RSRC1: variants seen among roughly 807,000 people sequenced by gnomAD.
The protein encoded by RSRC1 is arginine and serine rich coiled-coil 1.
RSRC1 carries 39 observed loss-of-function variants against 49.1 expected under a neutral mutation model. That is an observed-to-expected ratio of 0.79 (90% confidence interval 0.61 to 1.04). The LOEUF (loss-of-function observed/expected upper bound fraction) is 1.04. Among genes scored for constraint, RSRC1 ranks in the 50% least tolerant of loss-of-function variants. The pLI is 0.00. For synonymous variants in RSRC1, 143 were observed against 130.8 expected (o/e 1.09, Z -0.63); for missense variants, 388 against 402.4 (o/e 0.96, Z 0.31).
chr3:158,358,927 T>TACAC (rs71777898), intron 6 of RSRC1, among the ~76,000 whole-genome samples: 10,559 of 128,982 alleles, frequency 0.082, 429 homozygotes, highest in South Asian at 0.15. Context: ...CACACAAACA[T>TACAC]ACACACACAC....
chr3:158,181,382 G>C (rs2108252972), intron 3 of RSRC1, among the ~76,000 whole-genome samples: 1 of 152,260 alleles, frequency 6.6e-6, no homozygotes, highest in Admixed American at 6.5e-5. Flanking sequence ...CTGTCACCTG[G>C]GAAAGTGTCT....
Position 158,135,272 on chromosome 3 carries a change from A to ATTT in RSRC1, c.320+11294_320+11296dup, listed in dbSNP as rs10626579. 9.9e-3 allele frequency among the ~76,000 whole-genome samples: 1,425 copies of ATTT among 144,288 alleles called. 20 individuals carry two copies. The highest frequency in any genetic ancestry group is 0.014 in the Non-Finnish European group (895 of 66,188). 94.7% of individuals were successfully genotyped at this position (144,288 alleles called of 152,430 possible). ...GTAGTCATTTCCAAATTATAGTGTA[A>ATTT]TTTTTTTTTTTTTTTGAGACAGAAT... On this transcript the variant is annotated intron_variant, in intron 3 of 9. Coordinates refer to ENST00000611884, the MANE Select transcript of RSRC1 (RefSeq NM_001271838.2).
chr3:158,229,383 T>TATATATACACATATACACAC lies in RSRC1; in HGVS notation c.494+26138_494+26139insATATATACACATATACACAC, dbSNP rs1559952747. Among the ~76,000 whole-genome samples the TATATATACACATATACACAC allele has an allele frequency of 1.7e-3, 166 of 95,238 alleles. 1 individual carries two copies. The highest frequency in any genetic ancestry group is 4.3e-3 in the African/African-American group (130 of 29,970). The allele number at this position is 95,238 out of a possible 152,430, so 62.5% of individuals were successfully genotyped here. A position where few individuals can be genotyped will look rare whatever the true frequency, so the allele number is the denominator to read the frequency against. On this transcript the variant is annotated intron_variant, in intron 4 of 9. Coordinates refer to ENST00000611884, the MANE Select transcript of RSRC1 (RefSeq NM_001271838.2). Reference sequence around the variant, plus strand: ...ATATACACACGTATATGTGTATGTATGTGTATATATATACACATACACACG... The same window carrying TATATATACACATATACACAC: ...ATATACACACGTATATGTGTATGTATATATATACACATATACACACGTGTATATATATACACATACACACG...
At chr3:158,495,552 C>A (rs1739285478) in intron 7 of RSRC1, among the ~76,000 whole-genome samples, 1 of 152,170 alleles carries the variant, frequency 6.6e-6, no homozygotes, top group Non-Finnish European at 1.5e-5. Flanking sequence ...TCCCAAAGTG[C>A]TGGGATTACA....
intron 6 of RSRC1, among the ~76,000 whole-genome samples, chr3:158,440,848 A>G (rs1427689586): frequency 1.3e-5 from 2 of 152,050 alleles, no homozygotes; most frequent in African/African-American, 4.8e-5. Context: ...AGGCCGAGGT[A>G]GGAGAATTGC....
intron 3 of RSRC1, among the ~76,000 whole-genome samples, chr3:158,183,973 C>T (rs1719780475): frequency 6.6e-6 from 1 of 151,996 alleles, no homozygotes; most frequent in South Asian, 2.1e-4. Flanking sequence ...CTAGGTGCTA[C>T]TGGGGTGGGG....
At chr3:158,402,892 G>A (rs559963684) in intron 6 of RSRC1, among the ~76,000 whole-genome samples, 39 of 151,916 alleles carry the variant, frequency 2.6e-4, no homozygotes, top group African/African-American at 8.4e-4. Flanking sequence ...AAAGACTTCA[G>A]CTAGAGCCAG....
At chr3:158,114,811 T>TA (rs1418390899) in intron 1 of RSRC1, among the ~76,000 whole-genome samples, 2 of 152,186 alleles carry the variant, frequency 1.3e-5, no homozygotes, top group African/African-American at 4.8e-5. Flanking sequence ...TGTCTGTTGT[T>TA]AGTGTATAGG....
chr3:158,280,896 C>G (rs1726114799), intron 4 of RSRC1, among the ~76,000 whole-genome samples: 2 of 152,152 alleles, frequency 1.3e-5, no homozygotes, highest in South Asian at 2.1e-4. Flanking sequence ...ATCCACCCAC[C>G]TTAGCCTCCC....
intron 3 of RSRC1, among the ~76,000 whole-genome samples, chr3:158,194,894 CATT>C (rs1720482720): frequency 3.3e-5 from 5 of 152,120 alleles, no homozygotes; most frequent in African/African-American, 9.7e-5. Flanking sequence ...TCCAGTCTAT[CATT>C]GTTGGACATT....
At chr3:158,315,333 A>T (rs1017158978) in intron 5 of RSRC1, among the ~76,000 whole-genome samples, 1 of 152,190 alleles carries the variant, frequency 6.6e-6, no homozygotes, top group East Asian at 1.9e-4. Flanking sequence ...AAATTCAGGT[A>T]AAAAATCCAA....
chr3:158,352,949 T>G (rs1008180485), intron 5 of RSRC1, among the ~76,000 whole-genome samples: 8 of 152,184 alleles, frequency 5.3e-5, no homozygotes, highest in African/African-American at 1.9e-4. Context: ...AGTTTTCTAT[T>G]GATATTTTGC....
intron 4 of RSRC1, among the ~76,000 whole-genome samples, chr3:158,268,414 C>G (rs1725326441): frequency 6.6e-6 from 1 of 152,144 alleles, no homozygotes; most frequent in South Asian, 2.1e-4. Flanking sequence ...CATACTGTTG[C>G]TGTGGTTCTC....
intron 4 of RSRC1, among the ~76,000 whole-genome samples, chr3:158,280,937 G>T (rs1231091098): frequency 6.6e-6 from 1 of 152,016 alleles, no homozygotes; most frequent in Non-Finnish European, 1.5e-5. Flanking sequence ...ATGAGCCACC[G>T]CGCCTGGCCC....
chr3:158,289,368 A>C (rs1013083680), intron 4 of RSRC1, among the ~76,000 whole-genome samples: 1 of 152,240 alleles, frequency 6.6e-6, no homozygotes, highest in Admixed American at 6.5e-5. Flanking sequence ...AGTGTGTATC[A>C]TAAGTCCTTG....
chr3:158,224,202 C>G (rs1722388407), intron 4 of RSRC1, among the ~76,000 whole-genome samples: 1 of 151,800 alleles, frequency 6.6e-6, no homozygotes, highest in Non-Finnish European at 1.5e-5. Flanking sequence ...CAGGTTTCTT[C>G]ATCACCTTTA....
At chr3:158,393,595 C>A (rs943475342) in intron 6 of RSRC1, among the ~76,000 whole-genome samples, 1 of 151,496 alleles carries the variant, frequency 6.6e-6, no homozygotes, top group Non-Finnish European at 1.5e-5. Context: ...AAACATAAAA[C>A]CTCCAAAGAT....
intron 6 of RSRC1, among the ~76,000 whole-genome samples, chr3:158,434,660 T>C (rs773839783): frequency 1.3e-5 from 2 of 151,910 alleles, no homozygotes; most frequent in African/African-American, 2.4e-5. Context: ...CAACTTGCAA[T>C]GTGTGTTACA....
At chr3:158,126,679 A>C (rs1274440986) in intron 3 of RSRC1, among the ~76,000 whole-genome samples, 4 of 152,026 alleles carry the variant, frequency 2.6e-5, no homozygotes, top group Admixed American at 6.5e-5. Flanking sequence ...AGTGAGCTTT[A>C]TGTTTTCATG....
Sources: gnomAD v4.1 joint callset for allele counts (sites outside exome capture counted in the v4.1 genomes callset) on GRCh38, gnomAD v4.1.1 for gene constraint, MANE v1.5 for transcripts, NCBI Gene and HGNC (gene_info 2026-07-23, HGNC 2026-07-21) for gene names.